The following PHLPP2 variants were observed in gnomAD, a reference collection of about 807,000 sequenced individuals.
PHLPP2 encodes the protein PH domain and leucine rich repeat protein phosphatase 2.
Under a neutral mutation model 124.9 loss-of-function variants are expected in PHLPP2, and 66 were observed. The ratio of observed to expected loss-of-function variants is 0.53; its 90% CI spans 0.43 to 0.65. The LOEUF is 0.65. Among genes scored for constraint, PHLPP2 ranks in the 30% least tolerant of loss-of-function variants. PHLPP2 has a pLI of 0.00. For synonymous variants in PHLPP2, 681 were observed against 624.7 expected (o/e 1.09, Z -1.34); for missense variants, 1,685 against 1,600.4 (o/e 1.05, Z -0.90).
rs779650639 is a variant in PHLPP2 at position 71,664,794 on chromosome 16, A to G, written c.1785-695T>C. ...TTTTTTGTCTGGTTTTAATAGCATC[A>G]TTATGTATTCAGCCAATTCCATAAT... On this transcript the variant is annotated intron_variant, in intron 12 of 18. Transcript: ENST00000568954. Among the ~76,000 whole-genome samples the G allele has an allele frequency of 2.9e-4, 44 of 152,284 alleles. No individual in the cohort carries two copies. The Middle Eastern group carries it at 0.017, about 59-fold the overall frequency.
intron 1 of PHLPP2, chr16:71,723,720 C>T: frequency 1.1e-6 from 1 of 943,412 alleles, no homozygotes; most frequent in South Asian, 1.8e-5. Flanking sequence ...CCCTAGTCCG[C>T]TTGCCCGCTC....
intron 2 of PHLPP2, among the ~76,000 whole-genome samples, chr16:71,709,159 G>A (rs867573974): frequency 5.3e-5 from 8 of 151,958 alleles, no homozygotes; most frequent in East Asian, 1.9e-4. Flanking sequence ...TTTTTAAATA[G>A]CACAAAAACA....
chr16:71,690,839 T>C (rs2045104832), intron 3 of PHLPP2, 130 bp from the exon 4 acceptor site: 3 of 648,522 alleles, frequency 4.6e-6, no homozygotes, highest in Non-Finnish European at 2.7e-6. Flanking sequence ...GCAATATAGT[T>C]AAGACAAAAT....
chr16:71,721,669 T>C (rs1164243153), intron 1 of PHLPP2, among the ~76,000 whole-genome samples: 2 of 48,878 alleles, frequency 4.1e-5, no homozygotes, highest in Non-Finnish European at 4.6e-5. Context: ...AAAACTGTTC[T>C]TGAAAAAAAA....
At chr16:71,679,624 T>C (rs758634997) in intron 6 of PHLPP2, 89 bp from the exon 7 acceptor site, 11 of 1,057,412 alleles carry the variant, frequency 1.0e-5, no homozygotes, top group Non-Finnish European at 1.6e-5. Flanking sequence ...TTGATATCTA[T>C]TTTAAATGTC....
chr16:71,662,448 A>G (rs1213779141), intron 13 of PHLPP2, among the ~76,000 whole-genome samples: 1 of 151,840 alleles, frequency 6.6e-6, no homozygotes, highest in East Asian at 2.0e-4. Context: ...AAATAAATAA[A>G]TAAGTTGGGT....
At chr16:71,721,614 A>AT (rs200789528) in intron 1 of PHLPP2, among the ~76,000 whole-genome samples, 26 of 152,026 alleles carry the variant, frequency 1.7e-4, no homozygotes, top group Non-Finnish European at 2.6e-4. Flanking sequence ...ATCTTTTTAA[A>AT]TTTTTTTTGG....
chr16:71,658,445 A>G, intron 14 of PHLPP2, 82 bp from the exon 15 acceptor site: 1 of 1,328,196 alleles, frequency 7.5e-7, no homozygotes, highest in Non-Finnish European at 1.0e-6. Context: ...CTCTTACTAT[A>G]TCCCCAAAGA....
chr16:71,705,264 C>T (rs568769272), intron 2 of PHLPP2, among the ~76,000 whole-genome samples: 15 of 152,288 alleles, frequency 9.8e-5, no homozygotes, highest in African/African-American at 3.4e-4. Flanking sequence ...CAAATTCTAC[C>T]TGACCCCTAC....
At chr16:71,702,473 T>C (rs1261612005) in intron 3 of PHLPP2, 125 bp downstream of exon 3, 5 of 689,160 alleles carry the variant, frequency 7.3e-6, no homozygotes, top group Non-Finnish European at 1.2e-5. Flanking sequence ...TGGTGTTAAC[T>C]ACGTTAGTTA....
In PHLPP2 at chr16:71,684,509, G is replaced by T. The variant is rs182177503; in HGVS notation, c.702C>A (p.Ala234=). 4.2e-5 allele frequency: 67 copies of T among 1,613,506 alleles called. No homozygotes were observed. Among genetic ancestry groups the T allele is most frequent in the Non-Finnish European group, 5.7e-5 (67 of 1,179,886 alleles). The part of the protein sequence containing the change: ...QTYHVSFETL[A]EYQRWQRQAS... ...CTTGCCGTTGCCATCGCTGGTACTC[G>T]GCCAAAGTCTCGAAGCTGACATGAT... The change falls in exon 5 of 19, where the codon GCC becomes GCA. Residue 234 remains alanine, a synonymous_variant. Coordinates refer to ENST00000568954, the MANE Select transcript of PHLPP2 (RefSeq NM_015020.3).
intron 2 of PHLPP2, among the ~76,000 whole-genome samples, 162 bp from the exon 3 acceptor site, chr16:71,702,893 T>C (rs1340571370): frequency 1.3e-5 from 2 of 152,186 alleles, no homozygotes; most frequent in African/African-American, 4.8e-5. Flanking sequence ...AGTGTAATCC[T>C]CACCTGAATC....
intron 3 of PHLPP2, among the ~76,000 whole-genome samples, chr16:71,693,760 G>A (rs1447777367): frequency 2.6e-5 from 4 of 152,144 alleles, no homozygotes; most frequent in Admixed American, 6.5e-5. Context: ...TTAGTGAAAC[G>A]TTGTCAATTT....
intron 4 of PHLPP2, among the ~76,000 whole-genome samples, chr16:71,687,526 G>A (rs547023204): frequency 8.6e-5 from 13 of 151,752 alleles, no homozygotes; most frequent in South Asian, 4.2e-4. Context: ...TGATATATTC[G>A]GATTTATTAC....
intron 4 of PHLPP2, among the ~76,000 whole-genome samples, chr16:71,684,831 C>T (rs2045038623): frequency 6.6e-6 from 1 of 152,192 alleles, no homozygotes; most frequent in African/African-American, 2.4e-5. Context: ...TCACCAGCAG[C>T]TGGGTAGCAC....
At chr16:71,676,342 C>A in intron 9 of PHLPP2, 105 bp downstream of exon 9, 2 of 809,846 alleles carry the variant, frequency 2.5e-6, no homozygotes, top group Non-Finnish European at 4.0e-6. Flanking sequence ...GAGCCACAAA[C>A]CCCATCCTGC....
intron 3 of PHLPP2, among the ~76,000 whole-genome samples, chr16:71,698,234 G>T (rs1193321240): frequency 6.6e-6 from 1 of 152,152 alleles, no homozygotes; most frequent in African/African-American, 2.4e-5. Flanking sequence ...TGTCCAGAGG[G>T]CCACTACTGG....
chr16:71,724,634 A>G lies in PHLPP2; in HGVS notation c.-312T>C, dbSNP rs1365475190. The G allele has an allele frequency of 6.6e-6, 1 of 152,162 alleles. No homozygotes were observed. 9.4% of individuals were successfully genotyped at this position (152,162 alleles called of 1,614,324 possible). On this transcript the variant is annotated 5_prime_UTR_variant, in exon 1 of 19. Coordinates refer to ENST00000568954, the MANE Select transcript of PHLPP2 (RefSeq NM_015020.3). ...ATAGTAGTTTTGTTGCCAATGGGCCAAATTTGGAGTCAGCCAGCCTGTTTC... is the reference window on the plus strand; with the variant it reads ...ATAGTAGTTTTGTTGCCAATGGGCCGAATTTGGAGTCAGCCAGCCTGTTTC...
At chr16:71,690,381 C>G in intron 4 of PHLPP2, 138 bp downstream of exon 4, 3 of 654,026 alleles carry the variant, frequency 4.6e-6, no homozygotes, top group Non-Finnish European at 7.9e-6. Context: ...ACCTCTGAAA[C>G]AGTCTCTGAT....
Sources: allele counts gnomAD v4.1 joint callset (sites outside exome capture counted in the v4.1 genomes callset), GRCh38; gene constraint gnomAD v4.1.1; transcripts MANE v1.5; gene names NCBI Gene and HGNC (gene_info 2026-07-23, HGNC 2026-07-21).